Variants in PIEZO1 observed in about 807,000 individuals in gnomAD.
The protein encoded by PIEZO1 is piezo type mechanosensitive ion channel component 1 (Er blood group), also known as piezo-type mechanosensitive ion channel component 1.
A neutral mutation model predicts 297.2 loss-of-function variants in PIEZO1; 296 were observed. The ratio of observed to expected loss-of-function variants is 1.00; its 90% CI spans 0.91 to 1.10. The LOEUF is 1.10. PIEZO1 is among the 50% of genes least tolerant of loss of function. The probability of loss-of-function intolerance (pLI) is 0.00; values close to 1 mark genes in which losing one functional copy is unlikely to be tolerated. For synonymous variants in PIEZO1, 2,427 were observed against 1,507.5 expected (o/e 1.61, Z -14.13); for missense variants, 5,018 against 3,455.5 (o/e 1.45, Z -11.34).
In PIEZO1 at chr16:88,785,096, T is replaced by A; in HGVS notation, c.-132A>T. ...CGCGCCGCCTTCTCCTCTTCCTCCT[T>A]CTCCTTCGGCCGCCCCGCCGGTGCC... On this transcript the variant is annotated 5_prime_UTR_variant, in exon 1 of 51. Transcript: ENST00000301015. 1 of 459,164 alleles carries A rather than the reference T, an allele frequency of 2.2e-6. No individual in the cohort carries two copies. Among genetic ancestry groups the A allele is most frequent in the Non-Finnish European group, 3.3e-6 (1 of 307,610 alleles). The allele number at this position is 459,164 out of a possible 1,614,324, so 28.4% of individuals were successfully genotyped here. A position where few individuals can be genotyped will look rare whatever the true frequency, so the allele number is the denominator to read the frequency against.
Position 88,766,317 on chromosome 16 carries a change from G to A in PIEZO1, c.65-16838C>T, listed in dbSNP as rs547508310. On this transcript the variant is annotated intron_variant, in intron 1 of 50. Transcript: ENST00000301015. Reference sequence around the variant, plus strand: ...CGCCACAGAGAAGCCCGGCCTGAGCGCACAGCCTGGACTCGAGACTGCAAC... The same window carrying A: ...CGCCACAGAGAAGCCCGGCCTGAGCACACAGCCTGGACTCGAGACTGCAAC... Among the ~76,000 whole-genome samples the A allele has an allele frequency of 4.6e-5, 7 of 152,316 alleles. No individual in the cohort carries two copies. The East Asian group carries it at 1.2e-3, about 25-fold the overall frequency.
At chr16:88,742,698 G>A (rs896913478) in intron 2 of PIEZO1, 25 of 453,852 alleles carry the variant, frequency 5.5e-5, no homozygotes, top group Non-Finnish European at 1.0e-4. Flanking sequence ...CAGGCTCAGA[G>A]GAAACCACCT....
chr16:88,741,463 C>T lies in PIEZO1; in HGVS notation c.465+15G>A, dbSNP rs368667885. The T allele has an allele frequency of 8.6e-5, 132 of 1,526,632 alleles. No homozygotes were observed. The highest frequency in any genetic ancestry group is 3.4e-4 in the Middle Eastern group (2 of 5,908). 94.6% of individuals were successfully genotyped at this position (1,526,632 alleles called of 1,614,324 possible). On this transcript the variant is annotated intron_variant, in intron 5 of 50. Coordinates refer to ENST00000301015, the MANE Select transcript of PIEZO1 (RefSeq NM_001142864.4). ...AATGACCTCCCTGACACACGGGTGA[C>T]GCAGCTGCCCTCACCAGCTCCCGTG...
chr16:88,723,404 C>T (rs371475890), intron 31 of PIEZO1, 76 bp from the exon 32 acceptor site: 21 of 1,496,752 alleles, frequency 1.4e-5, no homozygotes, highest in Non-Finnish European at 1.9e-5. Flanking sequence ...GTTGGGCAAG[C>T]CGGGCGCCAG....
chr16:88,782,961 T>C (rs539592292), intron 1 of PIEZO1, among the ~76,000 whole-genome samples: 2 of 152,276 alleles, frequency 1.3e-5, no homozygotes, highest in Admixed American at 1.3e-4. Context: ...AGAATCAGTG[T>C]GGGGTATGGC....
intron 19 of PIEZO1, 132 bp downstream of exon 19, chr16:88,733,146 G>T: frequency 1.2e-6 from 1 of 848,638 alleles, no homozygotes; most frequent in Non-Finnish European, 1.8e-6. Context: ...AGCCCCCTTG[G>T]CGCCCCCAGG....
intron 1 of PIEZO1, among the ~76,000 whole-genome samples, chr16:88,783,704 A>T (rs956429005): frequency 6.6e-6 from 1 of 152,226 alleles, no homozygotes; most frequent in Non-Finnish European, 1.5e-5. Flanking sequence ...ACCGCACTGA[A>T]GAGAGTTGCT....
chr16:88,734,222 C>T (rs1005300431), intron 16 of PIEZO1, 134 bp downstream of exon 16: 25 of 1,182,532 alleles, frequency 2.1e-5, no homozygotes, highest in African/African-American at 6.1e-5. Context: ...CTACTGCCAT[C>T]CCCTTGGTAT....
Position 88,716,787 on chromosome 16 carries a change from C to G in PIEZO1, c.6753+19G>C. ...AGCCGCCTCCCCACACCAGCTTTCACAGGGCAGAGGCCACTTACCGGCTGG... is the reference window on the plus strand; with the variant it reads ...AGCCGCCTCCCCACACCAGCTTTCAGAGGGCAGAGGCCACTTACCGGCTGG... On this transcript the variant is annotated intron_variant, in intron 46 of 50. Coordinates refer to ENST00000301015, the MANE Select transcript of PIEZO1 (RefSeq NM_001142864.4). 1 of 1,549,646 alleles carries G rather than the reference C, an allele frequency of 6.5e-7. No individual in the cohort carries two copies. The highest frequency in any genetic ancestry group is 8.7e-7 in the Non-Finnish European group (1 of 1,146,932).
At position 88,723,080 on chromosome 16, in the gene PIEZO1, C is replaced by CCCGGG. The variant is rs567560285; in HGVS notation, c.4495+10_4495+14dup. 1,099 of 1,546,996 alleles carry CCCGGG rather than the reference C, an allele frequency of 7.1e-4. 8 individuals carry two copies. In the African/African-American group the frequency reaches 0.012, roughly 16 times the overall value. On this transcript the variant is annotated intron_variant, in intron 33 of 50. Coordinates refer to ENST00000301015, the MANE Select transcript of PIEZO1 (RefSeq NM_001142864.4). Reference sequence around the variant, plus strand: ...CAAGAGAGACCTCCCACTCCCCAGCCCCGGGCCCACGTACCTGCCGCTGCC... The same window carrying CCCGGG: ...CAAGAGAGACCTCCCACTCCCCAGCCCCGGGCCGGGCCCACGTACCTGCCGCTGCC...
Position 88,719,706 on chromosome 16 carries a change from C to G in PIEZO1, c.6339G>C (p.Pro2113=). 6.4e-7 allele frequency: 1 copy of G among 1,551,352 alleles called. No homozygotes were observed. Among genetic ancestry groups the G allele is most frequent in the South Asian group, 1.2e-5 (1 of 84,080 alleles). The change falls in exon 44 of 51, where the codon CCG becomes CCC. Residue 2113 remains proline, a synonymous_variant. Transcript: ENST00000301015. ...LFLFQGFRLV[P]FLVELRAVMD... is the part of the protein sequence containing the mutation. ...TCACTGCCCGCAGCTCCACCAGGAACGGCACCAGCCGGAACCTGCCCACAG... is the reference window on the plus strand; with the variant it reads ...TCACTGCCCGCAGCTCCACCAGGAAGGGCACCAGCCGGAACCTGCCCACAG...
chr16:88,763,281 T>C (rs530928438), intron 1 of PIEZO1, among the ~76,000 whole-genome samples: 9 of 152,254 alleles, frequency 5.9e-5, no homozygotes, highest in Admixed American at 2.6e-4. Context: ...GCAGCTCCTG[T>C]GTGAACAGGG....
intron 2 of PIEZO1, chr16:88,743,481 T>C (rs766258683): frequency 4.4e-6 from 2 of 450,544 alleles, no homozygotes; most frequent in Non-Finnish European, 4.5e-6. Flanking sequence ...TTCCTGGAGC[T>C]CAGGGACAGG....
intron 1 of PIEZO1, among the ~76,000 whole-genome samples, chr16:88,779,593 G>C (rs952385806): frequency 2.0e-5 from 3 of 152,216 alleles, no homozygotes; most frequent in Non-Finnish European, 4.4e-5. Context: ...CCACAGGACC[G>C]GCGTGAGAGG....
rs770649584 is a variant in PIEZO1, at chr16:88,736,346, G to A, written c.1359C>T (p.Ile453=). ...TFVLLLWACL[I]WTVRSRHQLA... is the part of the protein sequence containing the mutation. ...GTTGGTGGCGGCTGCGCACCGTCCA[G>A]ATGAGGCAGGCCCAGAGCAGCAGTA... is the stretch of plus-strand genomic sequence containing the variant. The change falls in exon 12 of 51, where the codon ATC becomes ATT. Residue 453 remains isoleucine, a synonymous_variant. Transcript: ENST00000301015. The A allele has an allele frequency of 6.5e-7, 1 of 1,550,130 alleles. No homozygotes were observed. The highest frequency in any genetic ancestry group is 2.4e-5 in the East Asian group (1 of 40,912).
chr16:88,737,689 GC>G (rs35124960), intron 9 of PIEZO1, 38 bp downstream of exon 9: 9 of 1,531,852 alleles, frequency 5.9e-6, no homozygotes, highest in Non-Finnish European at 7.9e-6. Flanking sequence ...CTGGCCGGGC[GC>G]CCCCCACGCT....
chr16:88,721,807 C>A lies in PIEZO1; in HGVS notation c.5214+1G>T. 1 of 1,544,186 alleles carries A rather than the reference C, an allele frequency of 6.5e-7. No individual in the cohort carries two copies. The highest frequency in any genetic ancestry group is 8.7e-7 in the Non-Finnish European group (1 of 1,145,274). On this transcript the variant is annotated splice_donor_variant, in intron 37 of 50. Coordinates refer to ENST00000301015, the MANE Select transcript of PIEZO1 (RefSeq NM_001142864.4). LOFTEE classifies it high-confidence loss of function. ...CCCCCTCCCCCGCGGCCTCGGCCCA[C>A]CTCGGTGAAGACGATGGCCGTCATC...
chr16:88,737,257 G>A (rs1224870423), intron 10 of PIEZO1: 6 of 363,710 alleles, frequency 1.6e-5, no homozygotes, highest in Middle Eastern at 8.1e-4. Flanking sequence ...AGACAGCATA[G>A]CCACATTCTC....
chr16:88,737,286 C>T, intron 10 of PIEZO1: 2 of 413,540 alleles, frequency 4.8e-6, no homozygotes, highest in African/African-American at 2.2e-5. Context: ...GGTTGGGGGA[C>T]CTGGAGGCCC....
Sources: allele counts gnomAD v4.1 joint callset (sites outside exome capture counted in the v4.1 genomes callset), GRCh38; gene constraint gnomAD v4.1.1; transcripts MANE v1.5; gene names NCBI Gene and HGNC (gene_info 2026-07-23, HGNC 2026-07-21).